Variants in WWOX observed in about 807,000 individuals in gnomAD.
WWOX encodes WW domain-containing oxidoreductase.
A neutral mutation model predicts 46.2 loss-of-function variants in WWOX; 69 were observed. The observed-to-expected ratio is 1.49, with a 90% CI of 1.23 to 1.82. The LOEUF (loss-of-function observed/expected upper bound fraction) is 1.82. WWOX is among the 40% of genes most tolerant of loss of function. The pLI is 0.00. For missense variants in WWOX, 919 were observed against 542.6 expected (o/e 1.69, Z -6.89); for synonymous variants, 359 against 202.6 (o/e 1.77, Z -6.56).
At chr16:78,668,725 A>T (rs565103917) in intron 8 of WWOX, among the ~76,000 whole-genome samples, 1 of 152,128 alleles carries the variant, frequency 6.6e-6, no homozygotes, top group Non-Finnish European at 1.5e-5. Context: ...GTTTGTAGGT[A>T]GACCACCCTG....
At chr16:78,713,152 G>T (rs1476009034) in intron 8 of WWOX, among the ~76,000 whole-genome samples, 3 of 151,564 alleles carry the variant, frequency 2.0e-5, no homozygotes, top group African/African-American at 7.3e-5. Context: ...CCTACCTGTG[G>T]TCCCAGCTGC....
chr16:78,698,190 T>G (rs1321374420), intron 8 of WWOX, among the ~76,000 whole-genome samples: 1 of 152,218 alleles, frequency 6.6e-6, no homozygotes, highest in Non-Finnish European at 1.5e-5. Context: ...AGACACATTC[T>G]GAACAAGGTC....
At chr16:78,419,625 C>CGA (rs1491558183) in intron 6 of WWOX, among the ~76,000 whole-genome samples, 27 of 44,686 alleles carry the variant, frequency 6.0e-4, no homozygotes, top group Non-Finnish European at 1.1e-3. Flanking sequence ...CAAAAAATAG[C>CGA]AAAAAAAAAA....
chr16:78,589,582 C>T (rs1401733298), intron 8 of WWOX, among the ~76,000 whole-genome samples: 2 of 152,136 alleles, frequency 1.3e-5, no homozygotes, highest in East Asian at 3.8e-4. Flanking sequence ...CTTGCAAGGG[C>T]CCTTGGTTAA....
At chr16:78,679,494 T>G (rs2047680149) in intron 8 of WWOX, among the ~76,000 whole-genome samples, 2 of 152,138 alleles carry the variant, frequency 1.3e-5, no homozygotes, top group Non-Finnish European at 2.9e-5. Flanking sequence ...GAGGTTGCAG[T>G]GAGCCAAAAT....
At chr16:78,205,256 C>T (rs2036354669) in intron 5 of WWOX, among the ~76,000 whole-genome samples, 2 of 152,148 alleles carry the variant, frequency 1.3e-5, no homozygotes, top group African/African-American at 4.8e-5. Context: ...AGAATTATTA[C>T]TGTTGAAAAG....
At chr16:78,336,317 AC>A (rs1321468373) in intron 5 of WWOX, among the ~76,000 whole-genome samples, 1 of 109,134 alleles carries the variant, frequency 9.2e-6, no homozygotes, top group African/African-American at 3.2e-5. Context: ...TACTAAAAAT[AC>A]AAAAATAACA....
chr16:78,189,451 C>G (rs73568313), intron 5 of WWOX, among the ~76,000 whole-genome samples: 13,425 of 152,170 alleles, frequency 0.088, 621 homozygotes, highest in Non-Finnish European at 0.11. Context: ...GTCTGTATGT[C>G]TTTGTAATAA....
chr16:78,135,236 GT>G (rs1022308409), intron 4 of WWOX, among the ~76,000 whole-genome samples: 12 of 152,192 alleles, frequency 7.9e-5, no homozygotes, highest in African/African-American at 2.7e-4. Flanking sequence ...TCACATGACA[GT>G]GTTTGAAATG....
chr16:78,926,409 G>A (rs1457841377), intron 8 of WWOX, among the ~76,000 whole-genome samples: 2 of 151,916 alleles, frequency 1.3e-5, no homozygotes, highest in Non-Finnish European at 2.9e-5. Context: ...AATAAAGCCT[G>A]GCCCATGCAA....
intron 8 of WWOX, among the ~76,000 whole-genome samples, chr16:78,778,258 G>T (rs1310232386): frequency 6.6e-6 from 1 of 151,970 alleles, no homozygotes; most frequent in Non-Finnish European, 1.5e-5. Flanking sequence ...TGTCTCCTTT[G>T]TGGAGCTCTT....
At chr16:78,329,032 T>C (rs2080699613) in intron 5 of WWOX, among the ~76,000 whole-genome samples, 1 of 152,054 alleles carries the variant, frequency 6.6e-6, no homozygotes, top group African/African-American at 2.4e-5. Context: ...AGGCTGATTT[T>C]CTTTTTTTTC....
chr16:78,605,911 A>G (rs1046772529), intron 8 of WWOX, among the ~76,000 whole-genome samples: 4 of 152,212 alleles, frequency 2.6e-5, no homozygotes, highest in Non-Finnish European at 5.9e-5. Context: ...TACCTCTTGC[A>G]TGGAGCAAGA....
intron 8 of WWOX, among the ~76,000 whole-genome samples, chr16:78,927,310 C>T (rs2134993): frequency 0.32 from 49,317 of 152,126 alleles, 8,809 homozygotes; most frequent in Admixed American, 0.45. Context: ...GCTCTTGGTC[C>T]ACTGTTTATC....
chr16:78,887,628 A>T lies in WWOX; in HGVS notation c.1057-323980A>T, dbSNP rs1179330465. On this transcript the variant is annotated intron_variant, in intron 8 of 8. Coordinates refer to ENST00000566780, the MANE Select transcript of WWOX (RefSeq NM_016373.4). ...AAAATCCATCAGCCAATGTGTAAGT[A>T]CAAAAGGGTCAGATAAGATATATGT... Among the ~76,000 whole-genome samples the T allele has an allele frequency of 2.0e-5, 3 of 152,210 alleles. No homozygotes were observed. The East Asian group carries it at 5.8e-4, about 29-fold the overall frequency.
Position 79,013,962 on chromosome 16 carries a change from C to T in WWOX, c.1057-197646C>T, listed in dbSNP as rs144999591. On this transcript the variant is annotated intron_variant, in intron 8 of 8. Transcript: ENST00000566780. ...CCCCAGAGAGGAAGAGAGGATGCTCCGCCGCCTGTAAGGATTTTTTGCTCT... is the reference window on the plus strand; with the variant it reads ...CCCCAGAGAGGAAGAGAGGATGCTCTGCCGCCTGTAAGGATTTTTTGCTCT... Among the ~76,000 whole-genome samples, 12 of 152,242 alleles carry T rather than the reference C, an allele frequency of 7.9e-5. No individual in the cohort carries two copies. The East Asian group carries it at 2.1e-3, about 27-fold the overall frequency.
intron 8 of WWOX, among the ~76,000 whole-genome samples, chr16:78,541,148 C>A (rs2043882256): frequency 6.6e-6 from 1 of 152,078 alleles, no homozygotes; most frequent in Non-Finnish European, 1.5e-5. Context: ...TACAAAATTG[C>A]ACATACTCTA....
intron 5 of WWOX, among the ~76,000 whole-genome samples, chr16:78,221,887 T>C (rs2151798569): frequency 6.6e-6 from 1 of 152,278 alleles, no homozygotes; most frequent in Admixed American, 6.5e-5. Flanking sequence ...GTTTGTTTGG[T>C]TTGGGTAATT....
chr16:78,480,989 C>A (rs1294269528), intron 8 of WWOX, among the ~76,000 whole-genome samples: 1 of 152,212 alleles, frequency 6.6e-6, no homozygotes, highest in African/African-American at 2.4e-5. Context: ...ACTTCACCTA[C>A]TCCTAATAAA....
Sources: gnomAD v4.1 joint callset for allele counts (sites outside exome capture counted in the v4.1 genomes callset) on GRCh38, gnomAD v4.1.1 for gene constraint, MANE v1.5 for transcripts, NCBI Gene and HGNC (gene_info 2026-07-23, HGNC 2026-07-21) for gene names.